The following FGF13 variants were observed in gnomAD, a reference collection of about 807,000 sequenced individuals.
The protein encoded by FGF13 is fibroblast growth factor 13.
In FGF13, 2 loss-of-function variants were observed where a neutral mutation model predicts 19.5. The observed-to-expected ratio is 0.10, with a 90% CI of 0.04 to 0.32. FGF13 has a LOEUF of 0.32. Among genes scored for constraint, FGF13 ranks in the 10% least tolerant of loss-of-function variants. FGF13 has a pLI of 1.00. For missense variants in FGF13, 113 were observed against 192.7 expected (o/e 0.59, Z 2.45); for synonymous variants, 72 against 76.9 (o/e 0.94, Z 0.33).
intron 3 of FGF13, among the ~76,000 whole-genome samples, chrX:138,803,731 T>C (rs1005112197): frequency 8.9e-6 from 1 of 112,409 alleles, no homozygotes; most frequent in African/African-American, 3.2e-5. Flanking sequence ...GGGAATCTCT[T>C]GGCTACTACA....
rs1173356334 is a variant in FGF13, at chrX:138,984,639, GAGGAGAAGA to G, written c.-112-119998_-112-119990del. ...GGATGAGGAAGAGGAGGAGGAGGAG[GAGGAGAAGA>G]AGAAGAAGGAGAAGGAGGAGAAGGT... On this transcript the variant is annotated intron_variant, in intron 1 of 2. Coordinates refer to the FGF13 transcript ENST00000421460. 1.1e-3 allele frequency among the ~76,000 whole-genome samples: 91 copies of G among 80,072 alleles called. 3 individuals are homozygous for G. The highest frequency in any genetic ancestry group is 4.0e-3 in the African/African-American group (84 of 21,165). 69.5% of individuals were successfully genotyped at this position (80,072 alleles called of 115,157 possible).
At chrX:138,998,033 A>G (rs2092051754) in intron 1 of FGF13, among the ~76,000 whole-genome samples, 1 of 112,044 alleles carries the variant, frequency 8.9e-6, no homozygotes, top group Admixed American at 9.4e-5. Context: ...AATATTCAAC[A>G]TTCTTAAAGA....
At chrX:139,035,026 A>G (rs1251434574) in intron 1 of FGF13, among the ~76,000 whole-genome samples, 1 of 112,066 alleles carries the variant, frequency 8.9e-6, no homozygotes, top group East Asian at 2.8e-4. Flanking sequence ...TAGACGCAGT[A>G]TAAACATCGC....
chrX:138,831,481 A>C (rs1289107853), intron 3 of FGF13, among the ~76,000 whole-genome samples: 1 of 111,853 alleles, frequency 8.9e-6, no homozygotes, highest in East Asian at 2.8e-4. Context: ...CAGTGTATCC[A>C]AGAAGTGAGA....
chrX:138,976,105 T>C (rs1226411039), intron 1 of FGF13, among the ~76,000 whole-genome samples: 1 of 111,883 alleles, frequency 8.9e-6, no homozygotes, highest in Admixed American at 9.5e-5. Flanking sequence ...ATTACTTTTG[T>C]TATGCGCTGG....
chrX:138,984,511 GGAAGAAGAAGAGGAA>G (rs2091979089), intron 1 of FGF13, among the ~76,000 whole-genome samples: 1 of 27,115 alleles, frequency 3.7e-5, no homozygotes, highest in African/African-American at 1.4e-4. Context: ...GAGAAGAAGA[GGAAGAAGAAGAGGAA>G]GAAGAAGAAG....
intron 1 of FGF13, among the ~76,000 whole-genome samples, chrX:138,974,291 TATA>T (rs771077303): frequency 1.8e-4 from 20 of 112,004 alleles, no homozygotes; most frequent in Admixed American, 1.7e-3. Context: ...CTAAGGAAAC[TATA>T]ATGTTAACAG....
At chrX:138,771,852 T>G (rs1370631189) in intron 3 of FGF13, among the ~76,000 whole-genome samples, 1 of 109,112 alleles carries the variant, frequency 9.2e-6, no homozygotes, top group Non-Finnish European at 1.9e-5. Flanking sequence ...TGAAAAAGAG[T>G]GCCTTCATTT....
intron 3 of FGF13, among the ~76,000 whole-genome samples, chrX:138,748,459 T>C (rs2090372322): frequency 9.0e-6 from 1 of 111,505 alleles, no homozygotes; most frequent in African/African-American, 3.3e-5. Flanking sequence ...TGGCCATCTA[T>C]AAGCCAGAAA....
chrX:138,934,242 A>G (rs182311286), intron 1 of FGF13, among the ~76,000 whole-genome samples: 1 of 111,554 alleles, frequency 9.0e-6, no homozygotes, highest in Non-Finnish European at 1.9e-5. Context: ...ATGAGGCAAA[A>G]TGTGGCAACA....
intron 1 of FGF13, among the ~76,000 whole-genome samples, chrX:138,940,120 T>C (rs764064584): frequency 9.0e-6 from 1 of 111,519 alleles, no homozygotes; most frequent in African/African-American, 3.3e-5. Context: ...TTCTTACTAG[T>C]GTGAGATGCT....
chrX:138,824,259 T>C (rs1423633578), intron 3 of FGF13, among the ~76,000 whole-genome samples: 1 of 112,208 alleles, frequency 8.9e-6, no homozygotes, highest in Non-Finnish European at 1.9e-5. Context: ...TCCCCTGGAC[T>C]TTCATCTGCA....
At chrX:138,771,973 T>C (rs772795254) in intron 3 of FGF13, among the ~76,000 whole-genome samples, 1 of 86,808 alleles carries the variant, frequency 1.2e-5, no homozygotes, top group Non-Finnish European at 2.3e-5. Context: ...ATAAAAATAT[T>C]TATATACAAG....
chrX:138,964,193 C>T (rs191992520), intron 1 of FGF13, among the ~76,000 whole-genome samples: 14 of 111,453 alleles, frequency 1.3e-4, no homozygotes, highest in African/African-American at 4.6e-4. Context: ...GAGAAGAGGC[C>T]TACAACAGAA....
intron 1 of FGF13, among the ~76,000 whole-genome samples, chrX:138,721,823 ATATAT>A: frequency 9.1e-6 from 1 of 110,472 alleles, no homozygotes; most frequent in South Asian, 3.8e-4. Flanking sequence ...ATATACACAC[ATATAT>A]TAAATACATA....
chrX:138,676,850 T>C (rs977225167), intron 3 of FGF13, among the ~76,000 whole-genome samples: 2 of 112,095 alleles, frequency 1.8e-5, no homozygotes, highest in African/African-American at 6.5e-5. Context: ...TGACAGGCCA[T>C]GAATTGGTAC....
At chrX:138,959,245 C>T (rs2091857129) in intron 1 of FGF13, among the ~76,000 whole-genome samples, 2 of 111,557 alleles carry the variant, frequency 1.8e-5, no homozygotes, top group African/African-American at 6.5e-5. Flanking sequence ...TGGTTCGAAG[C>T]ACATCTTTAT....
At chrX:139,090,514 T>C (rs1282845566) in intron 1 of FGF13, among the ~76,000 whole-genome samples, 1 of 111,463 alleles carries the variant, frequency 9.0e-6, no homozygotes, top group Admixed American at 9.5e-5. Flanking sequence ...TGGGGGTTTG[T>C]TGTAGAGATT....
intron 3 of FGF13, among the ~76,000 whole-genome samples, chrX:138,769,643 G>C (rs1367997982): frequency 1.8e-5 from 2 of 112,144 alleles, no homozygotes; most frequent in Non-Finnish European, 3.8e-5. Context: ...GCGTTGGTGT[G>C]GGACCATTAG....
Sources: gnomAD v4.1 joint callset for allele counts (sites outside exome capture counted in the v4.1 genomes callset) on GRCh38, gnomAD v4.1.1 for gene constraint, MANE v1.5 for transcripts, NCBI Gene and HGNC (gene_info 2026-07-23, HGNC 2026-07-21) for gene names.